NFYC: variants seen among roughly 807,000 people sequenced by gnomAD.
NFYC encodes nuclear transcription factor Y subunit gamma.
Under a neutral mutation model 53.1 loss-of-function variants are expected in NFYC, and 25 were observed. The ratio of observed to expected loss-of-function variants is 0.47; its 90% confidence interval spans 0.34 to 0.66. NFYC has a LOEUF of 0.66. NFYC is among the 30% of genes least tolerant of loss of function. The pLI, the probability that NFYC is intolerant of heterozygous loss-of-function variation, is 0.01. For synonymous variants in NFYC, 145 were observed against 152.6 expected, an observed-to-expected ratio of 0.95 and a Z score of 0.37; for missense variants, 260 against 422.7, an observed-to-expected ratio of 0.62 and a Z score of 3.38.
At chr1:40,722,875 A>T (rs1194335774) in intron 1 of NFYC, among the ~76,000 whole-genome samples, 1 of 152,230 alleles carries the variant, frequency 6.6e-6, no homozygotes. Context: ...GCCTAGAGAC[A>T]TGCAAAGGGG....
At chr1:40,717,419 C>T (rs1302090218) in intron 1 of NFYC, among the ~76,000 whole-genome samples, 3 of 152,124 alleles carry the variant, frequency 2.0e-5, no homozygotes, top group African/African-American at 7.2e-5. Flanking sequence ...TCTGTAACTC[C>T]CCTTAATCCA....
At chr1:40,737,070 TG>T (rs1645065173) in intron 1 of NFYC, among the ~76,000 whole-genome samples, 1 of 139,144 alleles carries the variant, frequency 7.2e-6, no homozygotes, top group South Asian at 2.2e-4. Flanking sequence ...GAGGTTGCAG[TG>T]AGCTGAAATT....
At chr1:40,696,108 C>G (rs1316185666) in intron 1 of NFYC, among the ~76,000 whole-genome samples, 1 of 151,580 alleles carries the variant, frequency 6.6e-6, no homozygotes, top group Admixed American at 6.6e-5. Flanking sequence ...ACTGCAACCT[C>G]TGCCTCCCAG....
chr1:40,730,200 T>C (rs1266096284), intron 1 of NFYC, among the ~76,000 whole-genome samples: 16 of 138,316 alleles, frequency 1.2e-4, no homozygotes, highest in South Asian at 4.8e-4. Flanking sequence ...CTTTTCTTTT[T>C]TTTTTTTTTT....
In NFYC at chr1:40,733,497, A is replaced by T. The variant is rs967699547; in HGVS notation, c.-8-5339A>T. On this transcript the variant is annotated intron_variant, in intron 1 of 9. Transcript: ENST00000447388. ...GAAACCCTGGCTTTGAGAAAAAAAA[A>T]ATAGAGAGAAAGAGTAGTTTAACAT... Among the ~76,000 whole-genome samples, 10 of 151,648 alleles carry T rather than the reference A, an allele frequency of 6.6e-5. No homozygotes were observed. The East Asian group carries it at 2.0e-3, about 30-fold the overall frequency.
intron 1 of NFYC, among the ~76,000 whole-genome samples, chr1:40,694,361 A>G (rs1643008267): frequency 6.6e-6 from 1 of 152,240 alleles, no homozygotes; most frequent in South Asian, 2.1e-4. Context: ...CCTTTAAATC[A>G]GGGTTTGAGA....
intron 8 of NFYC, chr1:40,767,299 CT>C: frequency 3.0e-6 from 1 of 333,218 alleles, no homozygotes; most frequent in Non-Finnish European, 5.8e-6. Flanking sequence ...TTAATGGATT[CT>C]TTTGCCTCAG....
intron 5 of NFYC, 66 bp downstream of exon 5, chr1:40,753,312 G>A (rs1349350649): frequency 2.8e-6 from 3 of 1,056,444 alleles, no homozygotes; most frequent in Non-Finnish European, 4.4e-6. Context: ...TGTCAGATAC[G>A]CTCCTTCTCT....
intron 1 of NFYC, among the ~76,000 whole-genome samples, chr1:40,696,224 T>C (rs1045382761): frequency 3.9e-5 from 6 of 151,940 alleles, no homozygotes; most frequent in Non-Finnish European, 8.8e-5. Context: ...GGGGTTTCAC[T>C]GTGTTGGCCA....
chr1:40,695,543 C>A (rs1224895810), intron 1 of NFYC: 2 of 152,320 alleles, frequency 1.3e-5, no homozygotes, highest in African/African-American at 4.8e-5. Flanking sequence ...GCCTCAGCCT[C>A]CCGAGTAGCT....
At chr1:40,762,136 A>G (rs1416296608) in intron 6 of NFYC, among the ~76,000 whole-genome samples, 3 of 152,238 alleles carry the variant, frequency 2.0e-5, no homozygotes, top group African/African-American at 7.2e-5. Context: ...AGTCATACAC[A>G]TTGGGCAGAA....
At chr1:40,693,674 C>T (rs76650862) in intron 1 of NFYC, among the ~76,000 whole-genome samples, 1 of 152,188 alleles carries the variant, frequency 6.6e-6, no homozygotes. Context: ...TCTGGTGTCA[C>T]TCAGTAAGTG....
Position 40,771,387 on chromosome 1 carries a change from A to T in NFYC, c.*559A>T, listed in dbSNP as rs1383508110. ...CTCTGTGTATTTGCATCCAGAGGCC[A>T]TGGAAACATTCTTTGCATTTAAGAG... On this transcript the variant is annotated 3_prime_UTR_variant, in exon 10 of 10. Transcript: ENST00000447388. 3 of 469,382 alleles carry T rather than the reference A, an allele frequency of 6.4e-6. No homozygotes were observed. Among genetic ancestry groups the T allele is most frequent in the Non-Finnish European group, 1.3e-5 (3 of 226,194 alleles). 29.1% of individuals were successfully genotyped at this position (469,382 alleles called of 1,614,324 possible).
intron 8 of NFYC, among the ~76,000 whole-genome samples, chr1:40,767,906 G>T (rs896933621): frequency 6.6e-6 from 1 of 152,208 alleles, no homozygotes; most frequent in African/African-American, 2.4e-5. Context: ...AACCCAGGAG[G>T]TGGAGGTTGC....
At chr1:40,747,878 C>T (rs1001423253) in intron 3 of NFYC, among the ~76,000 whole-genome samples, 1 of 150,444 alleles carries the variant, frequency 6.6e-6, no homozygotes, top group African/African-American at 2.5e-5. Flanking sequence ...CTCTGTTATC[C>T]AGGCCGCAGT....
chr1:40,704,882 G>A (rs548098363), intron 1 of NFYC, among the ~76,000 whole-genome samples: 1 of 152,264 alleles, frequency 6.6e-6, no homozygotes, highest in African/African-American at 2.4e-5. Flanking sequence ...GCTTTCTGCA[G>A]GCCTGCAGAA....
intron 1 of NFYC, among the ~76,000 whole-genome samples, chr1:40,718,919 T>C (rs757616631): frequency 4.6e-5 from 7 of 152,240 alleles, no homozygotes; most frequent in Non-Finnish European, 8.8e-5. Context: ...GTCGCCAGGC[T>C]GGAGTGCAGT....
At chr1:40,732,245 TAG>T (rs1644809083) in intron 1 of NFYC, among the ~76,000 whole-genome samples, 1 of 152,230 alleles carries the variant, frequency 6.6e-6, no homozygotes, top group Non-Finnish European at 1.5e-5. Context: ...TGCCAAGGAA[TAG>T]AGAGCTGAAC....
chr1:40,750,605 A>C (rs2148681334), intron 4 of NFYC, among the ~76,000 whole-genome samples: 1 of 150,142 alleles, frequency 6.7e-6, no homozygotes, highest in East Asian at 2.0e-4. Context: ...AAAAAGCAAA[A>C]AATACTGAGC....
Sources: gnomAD v4.1 joint callset for allele counts (sites outside exome capture counted in the v4.1 genomes callset) on GRCh38, gnomAD v4.1.1 for gene constraint, MANE v1.5 for transcripts, NCBI Gene and HGNC (gene_info 2026-07-23, HGNC 2026-07-21) for gene names.